CRPPA: variants seen among roughly 807,000 people sequenced by gnomAD.
CRPPA encodes D-ribitol-5-phosphate cytidylyltransferase.
In CRPPA, 43 loss-of-function variants were observed where a neutral mutation model predicts 52.0. That is an observed-to-expected ratio of 0.83 (90% CI 0.65 to 1.07). CRPPA has a LOEUF of 1.07. CRPPA is among the 50% of genes least tolerant of loss of function. The pLI is 0.00. For missense variants in CRPPA, 629 were observed against 551.7 expected (o/e 1.14, Z -1.40); for synonymous variants, 250 against 203.5 (o/e 1.23, Z -1.94).
intron 9 of CRPPA, among the ~76,000 whole-genome samples, chr7:16,182,485 G>A (rs185608171): frequency 3.3e-5 from 5 of 152,150 alleles, no homozygotes; most frequent in Admixed American, 1.3e-4. Flanking sequence ...TTACAAAGGT[G>A]CTTTATATCC....
intron 9 of CRPPA, among the ~76,000 whole-genome samples, chr7:16,149,071 T>C (rs1157492649): frequency 6.6e-6 from 1 of 152,192 alleles, no homozygotes; most frequent in Admixed American, 6.5e-5. Flanking sequence ...AATAAAATAT[T>C]CATGAATCCT....
At chr7:16,158,541 A>G (rs1004378753) in intron 9 of CRPPA, among the ~76,000 whole-genome samples, 22 of 152,164 alleles carry the variant, frequency 1.4e-4, no homozygotes, top group Admixed American at 5.9e-4. Context: ...TTACACTAGT[A>G]TTCTCTCCCT....
chr7:16,360,306 C>A (rs943183179), intron 3 of CRPPA, among the ~76,000 whole-genome samples: 2 of 152,036 alleles, frequency 1.3e-5, no homozygotes, highest in Non-Finnish European at 2.9e-5. Context: ...CATTAAACAT[C>A]CATTAGATTT....
At chr7:16,135,177 C>A (rs1302612046) in intron 9 of CRPPA, among the ~76,000 whole-genome samples, 3 of 152,098 alleles carry the variant, frequency 2.0e-5, no homozygotes, top group Admixed American at 2.0e-4. Flanking sequence ...TTGCTCACAA[C>A]AAAACAGAAA....
intron 1 of CRPPA, among the ~76,000 whole-genome samples, chr7:16,412,234 C>G (rs1398228907): frequency 6.6e-6 from 1 of 152,088 alleles, no homozygotes; most frequent in Admixed American, 6.6e-5. Flanking sequence ...ATTTCGGGTC[C>G]CATTAGAGTG....
At chr7:16,105,256 G>C (rs1782128355) in intron 9 of CRPPA, among the ~76,000 whole-genome samples, 2 of 152,200 alleles carry the variant, frequency 1.3e-5, no homozygotes, top group African/African-American at 4.8e-5. Context: ...AAACAAGACT[G>C]AGACACCAAT....
At chr7:16,182,452 T>C (rs1781430148) in intron 9 of CRPPA, among the ~76,000 whole-genome samples, 1 of 152,176 alleles carries the variant, frequency 6.6e-6, no homozygotes, top group African/African-American at 2.4e-5. Flanking sequence ...AAGAGCATCC[T>C]ATAATAACAT....
chr7:16,240,429 T>C (rs1229599188), intron 8 of CRPPA, among the ~76,000 whole-genome samples: 1 of 151,738 alleles, frequency 6.6e-6, no homozygotes, highest in African/African-American at 2.4e-5. Flanking sequence ...ACATAAAAAT[T>C]CAGTATATAA....
intron 2 of CRPPA, among the ~76,000 whole-genome samples, chr7:16,382,890 C>T (rs980837247): frequency 3.3e-5 from 5 of 152,236 alleles, no homozygotes; most frequent in South Asian, 4.2e-4. Context: ...GTTATACATT[C>T]GTCTAAATTT....
At chr7:16,242,685 G>A (rs1017900706) in intron 8 of CRPPA, among the ~76,000 whole-genome samples, 1 of 152,148 alleles carries the variant, frequency 6.6e-6, no homozygotes, top group African/African-American at 2.4e-5. Flanking sequence ...AAAAGAAAGT[G>A]CTGGTTTGTA....
At chr7:16,312,780 T>C (rs766278796) in intron 3 of CRPPA, among the ~76,000 whole-genome samples, 1 of 151,976 alleles carries the variant, frequency 6.6e-6, no homozygotes, top group Non-Finnish European at 1.5e-5. Flanking sequence ...CTGAAATGTA[T>C]CATAAATGAG....
intron 4 of CRPPA, among the ~76,000 whole-genome samples, chr7:16,306,427 A>G (rs1446888096): frequency 3.3e-5 from 5 of 152,206 alleles, no homozygotes; most frequent in Admixed American, 2.6e-4. Context: ...CTTGCTGGAG[A>G]GAACAGAGAA....
intron 9 of CRPPA, among the ~76,000 whole-genome samples, chr7:16,096,301 G>A (rs924219965): frequency 2.6e-5 from 4 of 151,530 alleles, no homozygotes; most frequent in Non-Finnish European, 1.5e-5. Context: ...CCATAATCAG[G>A]AGAAAAAAAT....
At chr7:16,414,620 A>T (rs10248560) in intron 1 of CRPPA, among the ~76,000 whole-genome samples, 2,272 of 152,338 alleles carry the variant, frequency 0.015, 60 homozygotes, top group African/African-American at 0.051. Flanking sequence ...ATTTCCTTAT[A>T]GAAACTCAGG....
intron 9 of CRPPA, among the ~76,000 whole-genome samples, chr7:16,118,966 A>G (rs1782431315): frequency 6.6e-6 from 1 of 151,924 alleles, no homozygotes; most frequent in Admixed American, 6.6e-5. Flanking sequence ...GATCAGAGAT[A>G]GGAGGAGGAT....
intron 9 of CRPPA, among the ~76,000 whole-genome samples, chr7:16,101,238 C>T (rs924501773): frequency 5.9e-5 from 9 of 152,250 alleles, no homozygotes; most frequent in Non-Finnish European, 7.4e-5. Flanking sequence ...GTACCAGCTC[C>T]TCTTTGTACC....
At chr7:16,351,837 T>C (rs932321408) in intron 3 of CRPPA, among the ~76,000 whole-genome samples, 4 of 152,148 alleles carry the variant, frequency 2.6e-5, no homozygotes, top group African/African-American at 9.7e-5. Flanking sequence ...AGTTCAACCA[T>C]TGTGGAAGAC....
Position 16,357,642 on chromosome 7 carries a change from T to C in CRPPA, c.684+18450A>G, listed in dbSNP as rs545629763. On this transcript the variant is annotated intron_variant, in intron 3 of 9. Transcript: ENST00000407010. ...CCTTGTCACTACAGGAACTGGGAAA[T>C]GACCTCAGGAGAAAAGCTATCATTC... 1.4e-4 allele frequency among the ~76,000 whole-genome samples: 21 copies of C among 152,238 alleles called. No individual in the cohort carries two copies. The Middle Eastern group carries it at 0.014, about 99-fold the overall frequency.
rs146029578 is a variant in CRPPA, at chr7:16,263,939, T to A, written c.934-4927A>T. Among the ~76,000 whole-genome samples, 566 of 152,298 alleles carry A rather than the reference T, an allele frequency of 3.7e-3. 3 individuals are homozygous for A. Among genetic ancestry groups the A allele is most frequent in the Middle Eastern group, 0.014 (4 of 294 alleles). On this transcript the variant is annotated intron_variant, in intron 6 of 9. Transcript: ENST00000407010. ...CAGAAATGCATACACAATATTTACA[T>A]AAAAGTTATCAAATATTAGTATTTT...
Sources: allele counts gnomAD v4.1 joint callset (sites outside exome capture counted in the v4.1 genomes callset), GRCh38; gene constraint gnomAD v4.1.1; transcripts MANE v1.5; gene names NCBI Gene and HGNC (gene_info 2026-07-23, HGNC 2026-07-21).